The following IL36B variants were observed in gnomAD, a reference collection of about 807,000 sequenced individuals.
IL36B encodes interleukin 36 beta, also known as interleukin-36 beta.
IL36B carries 23 observed loss-of-function variants against 19.3 expected under a neutral mutation model. That is an observed-to-expected ratio of 1.19 (90% CI 0.86 to 1.69). The LOEUF (loss-of-function observed/expected upper bound fraction) is 1.69. IL36B is among the 40% of genes most tolerant of loss of function. IL36B has a pLI of 0.00. For synonymous variants in IL36B, 59 were observed against 59.7 expected (o/e 0.99, Z 0.05); for missense variants, 217 against 200.5 (o/e 1.08, Z -0.50).
chr2:113,027,908 C>T (rs184100396), intron 4 of IL36B: 1 of 1,613,998 alleles, frequency 6.2e-7, no homozygotes, highest in African/African-American at 1.3e-5. Flanking sequence ...TGGATTTATT[C>T]CACAGAATCT....
intron 5 of IL36B, among the ~76,000 whole-genome samples, chr2:113,025,350 G>A (rs1240743607): frequency 2.6e-5 from 4 of 152,118 alleles, no homozygotes; most frequent in Admixed American, 2.0e-4. Flanking sequence ...CTGATATAAT[G>A]CAAGATTCTC....
intron 3 of IL36B, 23 bp from the exon 4 acceptor site, chr2:113,029,101 A>G: frequency 6.2e-7 from 1 of 1,607,018 alleles, no homozygotes; most frequent in Non-Finnish European, 8.5e-7. Context: ...AGGAAAATGG[A>G]GAAGATGTTT....
chr2:113,022,382 C>A lies in IL36B; in HGVS notation c.*292G>T, dbSNP rs868199599. The A allele has an allele frequency of 9.4e-6, 2 of 212,832 alleles. No individual in the cohort carries two copies. The highest frequency in any genetic ancestry group is 4.7e-5 in the African/African-American group (2 of 42,916). 13.2% of individuals were successfully genotyped at this position (212,832 alleles called of 1,614,324 possible). On this transcript the variant is annotated 3_prime_UTR_variant, in exon 6 of 6. Coordinates refer to ENST00000259213, the MANE Select transcript of IL36B (RefSeq NM_014438.5). ...CAGGAGCAATGTTGTCTGATCTTCCCATTTTTCATGAAAACCTTGACTTTA... is the reference window on the plus strand; with the variant it reads ...CAGGAGCAATGTTGTCTGATCTTCCAATTTTTCATGAAAACCTTGACTTTA...
intron 1 of IL36B, among the ~76,000 whole-genome samples, chr2:113,043,168 T>C (rs1386354248): frequency 6.6e-6 from 1 of 152,182 alleles, no homozygotes; most frequent in Admixed American, 6.5e-5. Context: ...GAGTTCTTTA[T>C]ATACTGTGGA....
intron 1 of IL36B, among the ~76,000 whole-genome samples, chr2:113,049,548 C>T (rs957402832): frequency 2.0e-5 from 3 of 152,152 alleles, no homozygotes; most frequent in Non-Finnish European, 2.9e-5. Flanking sequence ...TGCTCAACAT[C>T]CCTAATAATT....
chr2:113,022,747 T>C lies in IL36B; in HGVS notation c.422A>G (p.His141Arg), dbSNP rs1436171570. The change falls in exon 6 of 6, where the codon CAT becomes CGT. Residue 141 changes from histidine to arginine, a missense_variant. His to Arg is a conservative substitution (Grantham distance 29, BLOSUM62 0). Coordinates refer to ENST00000259213, the MANE Select transcript of IL36B (RefSeq NM_014438.5). ...TTTGTCCTTCTTCCTGAGATGGTGA[T>C]GTTGAAAGGAACTCTTCCACTTCTT... The C allele has an allele frequency of 1.2e-6, 2 of 1,612,954 alleles. No homozygotes were observed. The highest frequency in any genetic ancestry group is 2.2e-5 in the East Asian group (1 of 44,892).
At chr2:113,051,132 G>C (rs372887300) in intron 1 of IL36B, among the ~76,000 whole-genome samples, 1 of 152,140 alleles carries the variant, frequency 6.6e-6, no homozygotes, top group East Asian at 1.9e-4. Flanking sequence ...ATCCTGGCCC[G>C]GCACACTGAG....
intron 1 of IL36B, among the ~76,000 whole-genome samples, chr2:113,041,001 A>G (rs1318453664): frequency 1.3e-5 from 2 of 152,184 alleles, no homozygotes; most frequent in African/African-American, 4.8e-5. Flanking sequence ...AAAAAAACAC[A>G]AAGATTAGTG....
At chr2:113,029,229 C>T (rs1292423328) in intron 3 of IL36B, 151 bp from the exon 4 acceptor site, 18 of 732,660 alleles carry the variant, frequency 2.5e-5, no homozygotes, top group South Asian at 2.1e-4. Flanking sequence ...TTTTGTTTTT[C>T]GTCCTTAATA....
At chr2:113,047,852 T>C (rs1685375031) in intron 1 of IL36B, among the ~76,000 whole-genome samples, 1 of 152,100 alleles carries the variant, frequency 6.6e-6, no homozygotes, top group Non-Finnish European at 1.5e-5. Context: ...GACTAACCAA[T>C]ATAAATATAT....
Position 113,025,905 on chromosome 2 carries a change from A to G in IL36B, c.391+198T>C, listed in dbSNP as rs1443870297. Among the ~76,000 whole-genome samples, 6 of 152,266 alleles carry G rather than the reference A, an allele frequency of 3.9e-5. No individual in the cohort carries two copies. In the South Asian group the frequency reaches 1.0e-3, roughly 26 times the overall value. ...TTTGCATGCAAGATGATGACAAGTG[A>G]CCCTAGGGAACATGAGAAGGGACTG... On this transcript the variant is annotated intron_variant, in intron 5 of 5. Coordinates refer to ENST00000259213, the MANE Select transcript of IL36B (RefSeq NM_014438.5).
intron 1 of IL36B, among the ~76,000 whole-genome samples, chr2:113,036,459 T>C (rs975360063): frequency 1.3e-5 from 2 of 152,040 alleles, no homozygotes; most frequent in African/African-American, 2.4e-5. Context: ...ATCTTTTCTC[T>C]TTTTGCTCAG....
intron 1 of IL36B, among the ~76,000 whole-genome samples, chr2:113,035,113 G>A (rs1685143906): frequency 6.6e-6 from 1 of 152,238 alleles, no homozygotes; most frequent in African/African-American, 2.4e-5. Context: ...AGGCTCTCAT[G>A]ACTCCATGCA....
intron 2 of IL36B, among the ~76,000 whole-genome samples, chr2:113,031,413 G>A (rs1383981587): frequency 6.6e-6 from 1 of 151,968 alleles, no homozygotes; most frequent in African/African-American, 2.4e-5. Flanking sequence ...TTTTCCGAAT[G>A]ATAAAATGTC....
chr2:113,031,662 G>T, intron 2 of IL36B, 35 bp downstream of exon 2: 2 of 1,581,130 alleles, frequency 1.3e-6, no homozygotes, highest in Non-Finnish European at 1.7e-6. Context: ...GTCAGATGGA[G>T]ATATTTCCAA....
intron 3 of IL36B, among the ~76,000 whole-genome samples, chr2:113,030,527 G>T (rs1339045990): frequency 6.6e-6 from 1 of 152,204 alleles, no homozygotes; most frequent in Non-Finnish European, 1.5e-5. Context: ...ATGATAGAAA[G>T]GGTCCAGTAA....
chr2:113,037,308 T>C (rs1015142903), intron 1 of IL36B, among the ~76,000 whole-genome samples: 3 of 152,224 alleles, frequency 2.0e-5, no homozygotes, highest in Admixed American at 2.0e-4. Flanking sequence ...TGGAACAGAA[T>C]AGAGAGTACA....
intron 1 of IL36B, among the ~76,000 whole-genome samples, chr2:113,036,443 C>T (rs966252434): frequency 4.3e-4 from 66 of 151,744 alleles, no homozygotes; most frequent in African/African-American, 1.5e-3. Context: ...AGACACACCC[C>T]ATGGCATCTT....
chr2:113,037,077 C>G (rs1685178522), intron 1 of IL36B, among the ~76,000 whole-genome samples: 1 of 152,218 alleles, frequency 6.6e-6, no homozygotes, highest in African/African-American at 2.4e-5. Context: ...CTCAGAAGTG[C>G]TTAAGAACCA....
Sources: gnomAD v4.1 joint callset for allele counts (sites outside exome capture counted in the v4.1 genomes callset) on GRCh38, gnomAD v4.1.1 for gene constraint, MANE v1.5 for transcripts, NCBI Gene and HGNC (gene_info 2026-07-23, HGNC 2026-07-21) for gene names.